The following PRKCA variants were observed in gnomAD, a reference collection of about 807,000 sequenced individuals.
PRKCA encodes protein kinase C alpha type.
PRKCA carries 27 observed loss-of-function variants against 87.0 expected under a neutral mutation model. The ratio of observed to expected loss-of-function variants is 0.31; its 90% CI spans 0.23 to 0.43. The LOEUF (loss-of-function observed/expected upper bound fraction) is 0.43, where lower values mean the gene tolerates loss of function less well. Among genes scored for constraint, PRKCA ranks in the 20% least tolerant of loss-of-function variants. The pLI, the probability that PRKCA is intolerant of heterozygous loss-of-function variation, is 1.00. For synonymous variants in PRKCA, 329 were observed against 311.1 expected (o/e 1.06, Z -0.61); for missense variants, 518 against 852.3 (o/e 0.61, Z 4.88).
At chr17:66,413,331 G>A (rs1167825769) in intron 2 of PRKCA, among the ~76,000 whole-genome samples, 1 of 152,222 alleles carries the variant, frequency 6.6e-6, no homozygotes, top group African/African-American at 2.4e-5. Flanking sequence ...AGTAGGGCAT[G>A]TAGGCAGGGG....
At chr17:66,688,877 A>C in intron 7 of PRKCA, 74 bp from the exon 8 acceptor site, 1 of 937,314 alleles carries the variant, frequency 1.1e-6, no homozygotes, top group Admixed American at 2.3e-5. Context: ...GTTTCACAAA[A>C]CCGCTCGACT....
intron 2 of PRKCA, among the ~76,000 whole-genome samples, chr17:66,451,355 T>A (rs1213867418): frequency 2.9e-5 from 3 of 103,944 alleles, no homozygotes; most frequent in African/African-American, 1.0e-4. Context: ...TTTATTTATT[T>A]ATTTATTTAT....
rs142862761 is a variant in PRKCA, at chr17:66,592,846, G to A, written c.289-48509G>A. Among the ~76,000 whole-genome samples the A allele has an allele frequency of 5.9e-3, 906 of 152,334 alleles. 11 individuals carry two copies. Among genetic ancestry groups the A allele is most frequent in the African/African-American group, 0.018 (754 of 41,564 alleles). On this transcript the variant is annotated intron_variant, in intron 3 of 16. Transcript: ENST00000413366. ...CTCGCTCTGTCGCCCAGGCTGGAGT[G>A]CAGTGGCGCAATCTCGGCTCACTGC...
intron 3 of PRKCA, among the ~76,000 whole-genome samples, chr17:66,545,173 A>C (rs906383969): frequency 1.4e-4 from 22 of 152,204 alleles, no homozygotes; most frequent in Admixed American, 1.2e-3. Context: ...TCACGCCTGT[A>C]ATCCCAGCAC....
At chr17:66,566,480 G>GTTTTTTGTTT (rs1968896619) in intron 3 of PRKCA, among the ~76,000 whole-genome samples, 1 of 97,022 alleles carries the variant, frequency 1.0e-5, no homozygotes, top group Non-Finnish European at 2.0e-5. Flanking sequence ...TTGTTTTTTG[G>GTTTTTTGTTT]TTTTTTTTTT....
intron 3 of PRKCA, among the ~76,000 whole-genome samples, chr17:66,573,660 G>A (rs1969142749): frequency 6.6e-6 from 1 of 152,136 alleles, no homozygotes; most frequent in Admixed American, 6.6e-5. Context: ...TTACAACAAA[G>A]CATAACATTA....
rs763626864 is a variant in PRKCA, at chr17:66,612,815, A to G, written c.289-28540A>G. Among the ~76,000 whole-genome samples the G allele has an allele frequency of 1.9e-4, 29 of 152,116 alleles. 1 individual carries two copies. Among genetic ancestry groups the G allele is most frequent in the Non-Finnish European group, 3.1e-4 (21 of 68,030 alleles). On this transcript the variant is annotated intron_variant, in intron 3 of 16. Transcript: ENST00000413366. ...TGGTATTGTGAATTTTTCCAGGGGAAGAAAACCTTTTTTCTCTTACAAACA... is the reference window on the plus strand; with the variant it reads ...TGGTATTGTGAATTTTTCCAGGGGAGGAAAACCTTTTTTCTCTTACAAACA...
chr17:66,311,100 GT>G (rs1403169914), intron 2 of PRKCA, among the ~76,000 whole-genome samples: 1 of 152,160 alleles, frequency 6.6e-6, no homozygotes, highest in Admixed American at 6.5e-5. Flanking sequence ...TGGTACCTCA[GT>G]TTTGATTGGT....
At chr17:66,459,641 G>A (rs867708172) in intron 2 of PRKCA, among the ~76,000 whole-genome samples, 1 of 152,124 alleles carries the variant, frequency 6.6e-6, no homozygotes, top group Non-Finnish European at 1.5e-5. Flanking sequence ...CTTCCTTGCT[G>A]TTATTAAGCA....
chr17:66,729,034 T>C (rs866974204), intron 8 of PRKCA, among the ~76,000 whole-genome samples: 3 of 152,244 alleles, frequency 2.0e-5, no homozygotes, highest in Non-Finnish European at 2.9e-5. Flanking sequence ...AACTTTTTTC[T>C]TATTCTAAGT....
intron 8 of PRKCA, among the ~76,000 whole-genome samples, chr17:66,700,840 GAATT>G (rs1407058318): frequency 6.6e-6 from 1 of 152,144 alleles, no homozygotes; most frequent in Non-Finnish European, 1.5e-5. Flanking sequence ...TGGATTGGAA[GAATT>G]AATATTGTCA....
intron 5 of PRKCA, among the ~76,000 whole-genome samples, chr17:66,670,775 T>C (rs1972158115): frequency 6.6e-6 from 1 of 151,858 alleles, no homozygotes; most frequent in African/African-American, 2.4e-5. Context: ...GGTAGGAGGA[T>C]TGCTTGAGCA....
At chr17:66,397,075 C>T (rs1163845774) in intron 2 of PRKCA, among the ~76,000 whole-genome samples, 1 of 142,620 alleles carries the variant, frequency 7.0e-6, no homozygotes, top group East Asian at 2.2e-4. Flanking sequence ...AAGCGATTCT[C>T]CTGCCTCAGC....
chr17:66,499,528 T>G (rs1449375364), intron 3 of PRKCA, among the ~76,000 whole-genome samples: 1 of 152,206 alleles, frequency 6.6e-6, no homozygotes, highest in African/African-American at 2.4e-5. Context: ...GTTAATTATT[T>G]TTGGTAACTC....
chr17:66,465,735 A>G (rs1199520416), intron 2 of PRKCA, among the ~76,000 whole-genome samples: 3 of 152,150 alleles, frequency 2.0e-5, no homozygotes, highest in African/African-American at 7.2e-5. Flanking sequence ...ATCTGCATAG[A>G]GAGAAAAGTT....
chr17:66,306,433 G>C (rs147813800), intron 2 of PRKCA: 1 of 290,982 alleles, frequency 3.4e-6, no homozygotes, highest in African/African-American at 2.2e-5. Context: ...GAATCACTTT[G>C]TATTCAAGTG....
intron 2 of PRKCA, among the ~76,000 whole-genome samples, chr17:66,335,849 C>T (rs562660800): frequency 2.7e-4 from 41 of 152,120 alleles, no homozygotes; most frequent in African/African-American, 9.4e-4. Context: ...AGGTAAATTC[C>T]TAGGGGTGAG....
intron 3 of PRKCA, among the ~76,000 whole-genome samples, chr17:66,616,523 A>G (rs1970520604): frequency 2.6e-5 from 4 of 152,286 alleles, no homozygotes; most frequent in Non-Finnish European, 4.4e-5. Context: ...GCACCGTGCT[A>G]GGCACTGGGG....
At position 66,580,041 on chromosome 17, in the gene PRKCA, A is replaced by G. The variant is rs138752680; in HGVS notation, c.289-61314A>G. 4.8e-3 allele frequency among the ~76,000 whole-genome samples: 738 copies of G among 152,300 alleles called. 3 individuals are homozygous for G. Among genetic ancestry groups the G allele is most frequent in the Middle Eastern group, 0.02 (6 of 294 alleles). On this transcript the variant is annotated intron_variant, in intron 3 of 16. Coordinates refer to ENST00000413366, the MANE Select transcript of PRKCA (RefSeq NM_002737.3). ...GTCTCGGCATCTCTCAGGGTTCCTC[A>G]TGCACAGGCGGCTTTCCACAAATAA...
Sources: allele counts gnomAD v4.1 joint callset (sites outside exome capture counted in the v4.1 genomes callset), GRCh38; gene constraint gnomAD v4.1.1; transcripts MANE v1.5; gene names NCBI Gene and HGNC (gene_info 2026-07-23, HGNC 2026-07-21).